The following NUP214 variants were observed in gnomAD, a reference collection of about 807,000 sequenced individuals.
NUP214 encodes the protein nuclear pore complex protein Nup214.
A neutral mutation model predicts 196.2 loss-of-function variants in NUP214; 79 were observed. That is an observed-to-expected ratio of 0.40 (90% CI 0.34 to 0.49). The LOEUF (loss-of-function observed/expected upper bound fraction) is 0.49, where lower values mean the gene tolerates loss of function less well. NUP214 is among the 20% of genes least tolerant of loss of function. The pLI is 0.58. For synonymous variants in NUP214, 1,020 were observed against 990.5 expected (o/e 1.03, Z -0.56); for missense variants, 2,468 against 2,539.0 (o/e 0.97, Z 0.60).
chr9:131,159,772 G>A lies in NUP214; in HGVS notation c.2540+286G>A, dbSNP rs182164142. On this transcript the variant is annotated intron_variant, in intron 18 of 35. Transcript: ENST00000359428. Reference sequence around the variant, plus strand: ...CTATGGAGGCTGAGGCAGGAGAATCGCTTGAACCCAGGAGGCGGAGGTTGC... The same window carrying A: ...CTATGGAGGCTGAGGCAGGAGAATCACTTGAACCCAGGAGGCGGAGGTTGC... Among the ~76,000 whole-genome samples, 47 of 151,892 alleles carry A rather than the reference G, an allele frequency of 3.1e-4. No individual in the cohort carries two copies. In the East Asian group the frequency reaches 6.6e-3, roughly 21 times the overall value.
At chr9:131,224,271 T>G (rs989475331) in intron 32 of NUP214, among the ~76,000 whole-genome samples, 2 of 152,254 alleles carry the variant, frequency 1.3e-5, no homozygotes, top group African/African-American at 4.8e-5. Flanking sequence ...AGTGTATGTT[T>G]AGATCTGAAA....
At chr9:131,180,681 A>G (rs774085357) in intron 24 of NUP214, among the ~76,000 whole-genome samples, 12 of 152,210 alleles carry the variant, frequency 7.9e-5, no homozygotes, top group South Asian at 2.1e-4. Flanking sequence ...GCAGTGCTCC[A>G]TCGCTTGATT....
At position 131,144,594 on chromosome 9, in the gene NUP214, T is replaced by C; in HGVS notation, c.1609T>C (p.Ser537Pro). The C allele has an allele frequency of 6.2e-7, 1 of 1,614,074 alleles. No homozygotes were observed. Among genetic ancestry groups the C allele is most frequent in the Non-Finnish European group, 8.5e-7 (1 of 1,180,010 alleles). ...CTCCCTAGCCCCCACCCCTGCAGCG[T>C]CTCCTGTGGCTCCATCAGCTGCTTC... ...KASLAPTPAA[S>P]PVAPSAASFS... The change falls in exon 12 of 36, where the codon TCT (serine) becomes CCT (proline). Residue 537 changes from serine to proline, a missense_variant. Around this residue, in one of 5 missense-constraint regions of NUP214, gnomAD observed 1,801 missense variants for 1,779.4 expected, o/e 1.01. Coordinates refer to ENST00000359428, the MANE Select transcript of NUP214 (RefSeq NM_005085.4).
chr9:131,161,881 C>G (rs1375495526), intron 18 of NUP214, among the ~76,000 whole-genome samples: 2 of 152,216 alleles, frequency 1.3e-5, no homozygotes, highest in Non-Finnish European at 2.9e-5. Context: ...TAGCCTGTTG[C>G]TCCTAGACCA....
intron 30 of NUP214, among the ~76,000 whole-genome samples, chr9:131,205,893 G>C (rs111230821): frequency 0.015 from 2,297 of 152,228 alleles, 32 homozygotes; most frequent in Non-Finnish European, 0.025. Flanking sequence ...ATGTTGGCCA[G>C]GCTGGCCTTG....
intron 29 of NUP214, 151 bp downstream of exon 29, chr9:131,199,166 T>G: frequency 1.0e-6 from 1 of 990,688 alleles, no homozygotes; most frequent in Non-Finnish European, 1.4e-6. Flanking sequence ...ACATGTGGTC[T>G]CAGGAACTTG....
At chr9:131,127,369 C>T (rs943547161) in intron 1 of NUP214, among the ~76,000 whole-genome samples, 155 bp from the exon 2 acceptor site, 1 of 152,004 alleles carries the variant, frequency 6.6e-6, no homozygotes, top group African/African-American at 2.4e-5. Flanking sequence ...GACGACAGAG[C>T]GAGACTCCAT....
At chr9:131,203,996 T>G (rs140517892) in intron 30 of NUP214, among the ~76,000 whole-genome samples, 11 of 152,232 alleles carry the variant, frequency 7.2e-5, no homozygotes, top group Non-Finnish European at 1.2e-4. Context: ...TAGACTGATA[T>G]GGTTCCAGAG....
At chr9:131,158,130 G>A (rs1328872979) in intron 17 of NUP214, among the ~76,000 whole-genome samples, 3 of 152,220 alleles carry the variant, frequency 2.0e-5, no homozygotes. Context: ...CCAGGCCGGA[G>A]TGCAGTGGCG....
At chr9:131,193,236 G>A (rs989680482) in intron 27 of NUP214, among the ~76,000 whole-genome samples, 3 of 144,182 alleles carry the variant, frequency 2.1e-5, no homozygotes, top group African/African-American at 8.2e-5. Context: ...GTGAGCTGCT[G>A]AAGCATTGGG....
rs1274868163 is a variant in NUP214, at chr9:131,146,858, A to T, written c.1945+554A>T. 6.6e-6 allele frequency among the ~76,000 whole-genome samples: 1 copy of T among 151,542 alleles called. No individual in the cohort carries two copies. Among genetic ancestry groups the T allele is most frequent in the Non-Finnish European group, 1.5e-5 (1 of 67,932 alleles). The stretch of plus-strand genomic sequence containing the variant: ...GGCGGGAGAATCACTTGAACCTAGG[A>T]GGCAGAGATTGCAGGGAGTCGAGAT... On this transcript the variant is annotated intron_variant, in intron 13 of 35. Transcript: ENST00000359428. The surrounding 1 kb of genome is among the most constrained non-coding windows in gnomAD (Gnocchi z 4.6).
intron 11 of NUP214, chr9:131,141,631 A>C: frequency 6.6e-6 from 1 of 152,034 alleles, no homozygotes; most frequent in Admixed American, 6.6e-5. Flanking sequence ...AGCATGCGCC[A>C]CCATATGCAG....
intron 31 of NUP214, among the ~76,000 whole-genome samples, chr9:131,216,137 G>A (rs1244226572): frequency 4.6e-5 from 7 of 151,164 alleles, no homozygotes; most frequent in Middle Eastern, 7.0e-3. Flanking sequence ...TTCTCCGCCC[G>A]CCTCGGCCTC....
intron 11 of NUP214, among the ~76,000 whole-genome samples, chr9:131,143,477 C>T (rs1831988425): frequency 6.6e-6 from 1 of 151,984 alleles, no homozygotes; most frequent in Admixed American, 6.5e-5. Context: ...ATACTAGTTA[C>T]CTACCAGTGA....
At chr9:131,212,478 C>T (rs1588171079) in intron 30 of NUP214, among the ~76,000 whole-genome samples, 1 of 152,128 alleles carries the variant, frequency 6.6e-6, no homozygotes, top group East Asian at 1.9e-4. Context: ...TGTGATGTCT[C>T]CCCTGGACAC....
intron 17 of NUP214, 22 bp from the exon 18 acceptor site, chr9:131,159,361 C>CAAGTTATTT: frequency 6.4e-7 from 1 of 1,573,040 alleles, no homozygotes; most frequent in Non-Finnish European, 8.7e-7. Context: ...AAGTTATTTG[C>CAAGTTATTT]CTTTTAATTT....
At chr9:131,132,729 A>G (rs1423677115) in intron 6 of NUP214, 70 bp downstream of exon 6, 5 of 1,310,192 alleles carry the variant, frequency 3.8e-6, no homozygotes, top group Admixed American at 1.7e-5. Flanking sequence ...ATTCAAAATC[A>G]TGTAATGTAC....
intron 23 of NUP214, among the ~76,000 whole-genome samples, chr9:131,177,732 G>A (rs1029268350): frequency 3.3e-5 from 5 of 152,076 alleles, no homozygotes; most frequent in Admixed American, 6.5e-5. Flanking sequence ...ATTATAAGAC[G>A]AAAGCTGATG....
chr9:131,198,821 C>T lies in NUP214; in HGVS notation c.5327C>T (p.Ser1776Leu). 3 of 1,614,232 alleles carry T rather than the reference C, an allele frequency of 1.9e-6. No homozygotes were observed. Among genetic ancestry groups the T allele is most frequent in the Non-Finnish European group, 2.5e-6 (3 of 1,180,034 alleles). Reference sequence around the variant, plus strand: ...AGTGGAAGTGTCTTTGGTGCCGCCTCAAGTACCAGTAGCTCCAGTTCCTTC... The same window carrying T: ...AGTGGAAGTGTCTTTGGTGCCGCCTTAAGTACCAGTAGCTCCAGTTCCTTC... ...STSGSVFGAA[S>L]STSSSSSFSF... Residue 1776 changes from serine to leucine, a missense_variant, in exon 29 of 36, where the codon TCA becomes TTA. By Grantham distance (145) the Ser-to-Leu change is moderately radical (BLOSUM62 -2). Coordinates refer to ENST00000359428, the MANE Select transcript of NUP214 (RefSeq NM_005085.4).
Sources: gnomAD v4.1 joint callset for allele counts (sites outside exome capture counted in the v4.1 genomes callset) on GRCh38, gnomAD v4.1.1 for gene constraint, gnomAD v4.1.1 regional missense constraint, Gnocchi (gnomAD v3.1) non-coding constraint, MANE v1.5 for transcripts, NCBI Gene and HGNC (gene_info 2026-07-23, HGNC 2026-07-21) for gene names.